SLC25A21: variants seen among roughly 807,000 people sequenced by gnomAD.
SLC25A21 encodes solute carrier family 25 member 21.
A neutral mutation model predicts 43.8 loss-of-function variants in SLC25A21; 47 were observed. The ratio of observed to expected loss-of-function variants is 1.07; its 90% CI spans 0.85 to 1.37. The LOEUF is 1.37. Ranked by LOEUF, SLC25A21 falls within the 40% of genes most tolerant of loss-of-function variation. SLC25A21 has a pLI of 0.00. For missense variants in SLC25A21, 352 were observed against 350.2 expected (o/e 1.00, Z -0.04); for synonymous variants, 131 against 121.3 (o/e 1.08, Z -0.52).
At position 37,086,238 on chromosome 14, in the gene SLC25A21, A is replaced by T. The variant is rs188057718; in HGVS notation, c.70+86043T>A. ...TAAAACAAAGTAGAACTCTGTTATA[A>T]TATGGTTCAATATTACAACTGTTTG... On this transcript the variant is annotated intron_variant, in intron 1 of 9. Transcript: ENST00000331299. Among the ~76,000 whole-genome samples the T allele has an allele frequency of 7.9e-5, 12 of 152,270 alleles. No homozygotes were observed. In the East Asian group the frequency reaches 1.9e-3, roughly 25 times the overall value.
chr14:37,161,302 G>A (rs1963936406), intron 1 of SLC25A21, among the ~76,000 whole-genome samples: 1 of 152,108 alleles, frequency 6.6e-6, no homozygotes, highest in Admixed American at 6.5e-5. Flanking sequence ...ATGAAAAATA[G>A]CAGTTAACAG....
intron 1 of SLC25A21, among the ~76,000 whole-genome samples, chr14:37,062,426 C>T (rs1464078770): frequency 1.3e-5 from 2 of 152,046 alleles, no homozygotes; most frequent in African/African-American, 2.4e-5. Context: ...AAATGCAAAC[C>T]ACGTAACCTC....
intron 7 of SLC25A21, among the ~76,000 whole-genome samples, chr14:36,710,462 T>G (rs537866928): frequency 1.3e-5 from 2 of 152,150 alleles, no homozygotes; most frequent in East Asian, 1.9e-4. Flanking sequence ...AACAGGGTCT[T>G]ACTCTGTTGC....
In SLC25A21 at chr14:36,983,534, T is replaced by C. The variant is rs573738801; in HGVS notation, c.71-108530A>G. The stretch of plus-strand genomic sequence containing the variant: ...AAAAAAGAGAATGCTTACACAATGC[T>C]GGTGAAAATGTAAGTTAGTTCAACC... On this transcript the variant is annotated intron_variant, in intron 1 of 9. Transcript: ENST00000331299. Among the ~76,000 whole-genome samples the C allele has an allele frequency of 9.2e-5, 14 of 152,340 alleles. No homozygotes were observed. In the East Asian group the frequency reaches 2.7e-3, roughly 29 times the overall value.
rs1555336817 is a variant in SLC25A21, at chr14:36,919,649, A to ATCTATCTG, written c.71-44646_71-44645insCAGATAGA. Among the ~76,000 whole-genome samples the ATCTATCTG allele has an allele frequency of 2.1e-3, 311 of 149,738 alleles. 1 individual carries two copies. Among genetic ancestry groups the ATCTATCTG allele is most frequent in the African/African-American group, 7.5e-3 (297 of 39,492 alleles). ...TATCTATCTATCTATCTATCTATCT[A>ATCTATCTG]TCTATCTATCTATCTATCTCTATTT... is the stretch of plus-strand genomic sequence containing the variant. On this transcript the variant is annotated intron_variant, in intron 1 of 9. Coordinates refer to ENST00000331299, the MANE Select transcript of SLC25A21 (RefSeq NM_030631.4).
chr14:37,134,382 G>A (rs965741133), intron 1 of SLC25A21, among the ~76,000 whole-genome samples: 4 of 152,026 alleles, frequency 2.6e-5, no homozygotes, highest in Middle Eastern at 3.2e-3. Context: ...TTATCCTTAC[G>A]TCCTCAATGG....
intron 2 of SLC25A21, among the ~76,000 whole-genome samples, chr14:36,826,974 TGGATGA>T (rs1888856520): frequency 6.6e-6 from 1 of 152,188 alleles, no homozygotes; most frequent in Admixed American, 6.5e-5. Context: ...ATCACAACTT[TGGATGA>T]GGATGGGGAT....
At chr14:36,772,074 G>A (rs1033250481) in intron 3 of SLC25A21, among the ~76,000 whole-genome samples, 3 of 152,114 alleles carry the variant, frequency 2.0e-5, no homozygotes, top group Admixed American at 6.5e-5. Flanking sequence ...CACATTCCTA[G>A]ATTGTGCCAC....
At position 36,679,341 on chromosome 14, in the gene SLC25A21, A is replaced by AATT; in HGVS notation, c.*1314_*1316dup. On this transcript the variant is annotated 3_prime_UTR_variant, in exon 10 of 10. Transcript: ENST00000331299. ...TTATTTTTATACTTCAAATGCTCTA[A>AATT]ATTAATAAAAAGTAATAATTACCAT... is the stretch of plus-strand genomic sequence containing the variant. The AATT allele has an allele frequency of 1.0e-6, 1 of 970,120 alleles. No homozygotes were observed. The highest frequency in any genetic ancestry group is 1.2e-6 in the Non-Finnish European group (1 of 816,118). The allele number at this position is 970,120 out of a possible 1,614,324, so 60.1% of individuals were successfully genotyped here. A position where few individuals can be genotyped will look rare whatever the true frequency, so the allele number is the denominator to read the frequency against.
intron 1 of SLC25A21, among the ~76,000 whole-genome samples, chr14:36,942,981 T>C (rs1415913173): frequency 6.6e-6 from 1 of 152,122 alleles, no homozygotes; most frequent in Non-Finnish European, 1.5e-5. Context: ...GGGGAAGGTA[T>C]GGTTCCAGTA....
chr14:37,029,920 A>G (rs1256005190), intron 1 of SLC25A21, among the ~76,000 whole-genome samples: 1 of 151,770 alleles, frequency 6.6e-6, no homozygotes, highest in Non-Finnish European at 1.5e-5. Context: ...GTGTGCCACC[A>G]TATCTGGCTA....
chr14:37,132,038 T>C (rs767395066), intron 1 of SLC25A21, among the ~76,000 whole-genome samples: 8 of 152,112 alleles, frequency 5.3e-5, no homozygotes, highest in Non-Finnish European at 1.0e-4. Flanking sequence ...GTAAGTCCAA[T>C]ACCAAGATGC....
intron 2 of SLC25A21, among the ~76,000 whole-genome samples, chr14:36,823,260 G>T (rs1888700269): frequency 6.6e-6 from 1 of 152,028 alleles, no homozygotes; most frequent in Non-Finnish European, 1.5e-5. Context: ...AATAAAATAG[G>T]CTAATTAACA....
At chr14:37,163,383 T>G (rs1364814995) in intron 1 of SLC25A21, among the ~76,000 whole-genome samples, 1 of 151,932 alleles carries the variant, frequency 6.6e-6, no homozygotes, top group Admixed American at 6.6e-5. Flanking sequence ...CCCCAGCAAA[T>G]TTATATAAGG....
intron 3 of SLC25A21, among the ~76,000 whole-genome samples, chr14:36,738,551 T>C (rs191439378): frequency 1.5e-3 from 224 of 152,318 alleles, no homozygotes; most frequent in Non-Finnish European, 2.8e-3. Flanking sequence ...TAAACGTTTA[T>C]GTACAGTGAA....
At chr14:36,957,823 C>A (rs180761211) in intron 1 of SLC25A21, among the ~76,000 whole-genome samples, 20 of 152,212 alleles carry the variant, frequency 1.3e-4, no homozygotes, top group Non-Finnish European at 2.4e-4. Flanking sequence ...CTGGCCAGGT[C>A]GTGAAAATAG....
Position 36,769,940 on chromosome 14 carries a change from C to T in SLC25A21, c.204-35367G>A, listed in dbSNP as rs879510129. ...CATGGATCCTTGTGTGAAGAAGGCA[C>T]AGTCCACATTTCCCATCAAGTCAGA... On this transcript the variant is annotated intron_variant, in intron 3 of 9. Transcript: ENST00000331299. 4.6e-5 allele frequency among the ~76,000 whole-genome samples: 7 copies of T among 152,294 alleles called. No homozygotes were observed. In the East Asian group the frequency reaches 1.4e-3, roughly 29 times the overall value.
chr14:37,034,637 GA>G (rs2138773716), intron 1 of SLC25A21, among the ~76,000 whole-genome samples: 1 of 152,288 alleles, frequency 6.6e-6, no homozygotes, highest in East Asian at 1.9e-4. Context: ...GCATGTCAGC[GA>G]CAAAAACACC....
intron 1 of SLC25A21, among the ~76,000 whole-genome samples, chr14:36,941,090 A>G (rs1230854430): frequency 6.6e-6 from 1 of 152,124 alleles, no homozygotes; most frequent in African/African-American, 2.4e-5. Flanking sequence ...AAAGTTCCTG[A>G]AATTTACTCA....
Sources: gnomAD v4.1 joint callset for allele counts (sites outside exome capture counted in the v4.1 genomes callset) on GRCh38, gnomAD v4.1.1 for gene constraint, MANE v1.5 for transcripts, NCBI Gene and HGNC (gene_info 2026-07-23, HGNC 2026-07-21) for gene names.